Variants in PRR14L observed in about 807,000 individuals in gnomAD.
PRR14L encodes the protein proline rich 14 like, also known as protein PRR14L.
Under a neutral mutation model 155.0 loss-of-function variants are expected in PRR14L, and 80 were observed. The ratio of observed to expected loss-of-function variants is 0.52; its 90% CI spans 0.43 to 0.62. The LOEUF (loss-of-function observed/expected upper bound fraction) is 0.62, where lower values mean the gene tolerates loss of function less well. Ranked by LOEUF, PRR14L falls within the 20% of genes least tolerant of loss-of-function variation. PRR14L has a pLI of 0.00. For synonymous variants in PRR14L, 883 were observed against 916.0 expected, an observed-to-expected ratio of 0.96 and a Z score of 0.65; for missense variants, 2,469 against 2,548.0, an observed-to-expected ratio of 0.97 and a Z score of 0.67.
chr22:31,722,285 A>G (rs2147868304), intron 3 of PRR14L, among the ~76,000 whole-genome samples: 1 of 151,898 alleles, frequency 6.6e-6, no homozygotes, highest in African/African-American at 2.4e-5. Flanking sequence ...CAAAAAAATC[A>G]GCCGGGCATG....
At chr22:31,700,834 G>A (rs139710924) in intron 7 of PRR14L, among the ~76,000 whole-genome samples, 2 of 152,150 alleles carry the variant, frequency 1.3e-5, no homozygotes, top group African/African-American at 2.4e-5. Flanking sequence ...GATTACAGGC[G>A]TGAGCCACCG....
intron 7 of PRR14L, among the ~76,000 whole-genome samples, chr22:31,697,164 T>G (rs2147855236): frequency 6.6e-6 from 1 of 151,778 alleles, no homozygotes; most frequent in South Asian, 2.1e-4. Context: ...TAGCCAGGCA[T>G]GGTGGCAGGT....
intron 8 of PRR14L, among the ~76,000 whole-genome samples, 195 bp from the exon 9 acceptor site, chr22:31,685,998 G>T (rs1420922623): frequency 1.3e-5 from 2 of 152,064 alleles, no homozygotes; most frequent in Non-Finnish European, 2.9e-5. Context: ...GCAATGGCAT[G>T]ATCTTGGCTC....
chr22:31,700,748 G>A (rs1247951043), intron 7 of PRR14L, among the ~76,000 whole-genome samples: 1 of 152,138 alleles, frequency 6.6e-6, no homozygotes, highest in East Asian at 1.9e-4. Flanking sequence ...TAGAGACGGG[G>A]TTTCTCCATG....
intron 3 of PRR14L, among the ~76,000 whole-genome samples, chr22:31,720,544 C>T (rs1055109220): frequency 6.6e-6 from 1 of 152,068 alleles, no homozygotes; most frequent in African/African-American, 2.4e-5. Flanking sequence ...ACCAGCCTGG[C>T]CAACATGGTG....
intron 1 of PRR14L, among the ~76,000 whole-genome samples, chr22:31,741,019 C>G (rs1365672374): frequency 6.6e-6 from 1 of 151,460 alleles, no homozygotes; most frequent in Non-Finnish European, 1.5e-5. Flanking sequence ...TTTGGGAGGC[C>G]GAGAGGGGCG....
chr22:31,727,979 A>AG (rs2074726360), intron 2 of PRR14L, among the ~76,000 whole-genome samples: 1 of 151,082 alleles, frequency 6.6e-6, no homozygotes, highest in Admixed American at 6.6e-5. Flanking sequence ...TCACTGTCTC[A>AG]GAAAAAAAAA....
At position 31,738,595 on chromosome 22, in the gene PRR14L, G is replaced by A. The variant is rs1216629977; in HGVS notation, c.266C>T (p.Pro89Leu). Residue 89 changes from proline to leucine, a missense_variant, in exon 2 of 9, where the codon CCT (proline) becomes CTT (leucine). By Grantham distance (98) the Pro-to-Leu change is moderately conservative. Transcript: ENST00000327423. ...GGAGTCCACTAGCCCACATCGCCCA[G>A]GCTCACTCCCATGATCCAAGGTCTC... ...TYETLDHGSE[P>L]GRCGLVDSTA... is the part of the protein sequence containing the mutation. 4 of 1,552,030 alleles carry A rather than the reference G, an allele frequency of 2.6e-6. No homozygotes were observed. The South Asian group carries it at 4.8e-5, about 18-fold the overall frequency.
At chr22:31,747,215 A>T (rs919462132) in intron 1 of PRR14L, among the ~76,000 whole-genome samples, 2 of 151,310 alleles carry the variant, frequency 1.3e-5, no homozygotes, top group African/African-American at 4.9e-5. Flanking sequence ...GGTTCAAGCG[A>T]TTCTCCTGCC....
intron 7 of PRR14L, among the ~76,000 whole-genome samples, chr22:31,699,679 T>C (rs930509272): frequency 1.3e-5 from 2 of 152,238 alleles, no homozygotes; most frequent in African/African-American, 4.8e-5. Flanking sequence ...TTGTACTCCA[T>C]AATTTATTTC....
In PRR14L at chr22:31,685,665, C is replaced by T; in HGVS notation, c.6318G>A (p.Lys2106=). The T allele has an allele frequency of 6.4e-7, 1 of 1,551,828 alleles. No individual in the cohort carries two copies. The highest frequency in any genetic ancestry group is 2.4e-5 in the East Asian group (1 of 40,916). ...PRKRRARGKV[K]VAGSFTRAQK... ...GGGCCCTGGTAAAGCTGCCTGCCAC[C>T]TTGACTTTGCCTCGAGCTCTCCTCT... The change falls in exon 9 of 9, where the codon AAG becomes AAA. Residue 2106 remains lysine, a synonymous_variant. Coordinates refer to ENST00000327423, the MANE Select transcript of PRR14L (RefSeq NM_173566.3).
rs566717017 is a variant in PRR14L at position 31,704,657 on chromosome 22, C to T, written c.5826G>A (p.Thr1942=). 42 of 1,613,566 alleles carry T rather than the reference C, an allele frequency of 2.6e-5. No individual in the cohort carries two copies. Among genetic ancestry groups the T allele is most frequent in the Middle Eastern group, 1.7e-4 (1 of 6,052 alleles). The change falls in exon 5 of 9, where the codon ACG becomes ACA. Residue 1942 remains threonine, a splice_region_variant and synonymous_variant. Coordinates refer to ENST00000327423, the MANE Select transcript of PRR14L (RefSeq NM_173566.3). ...EATYNTSGSQ[T]RLEPPFPALV... ...CACGCTGAGTCTCATGTGCTTACCT[C>T]GTCTGACTGCCGCTGGTGTTATATG...
In PRR14L at chr22:31,716,765, G is replaced by C. The variant is rs1427315776; in HGVS notation, c.1074C>G (p.Ser358=). ...CACCTTCAAAACCACAGTTTTCTAA[G>C]GATATTGTTCTGGATTCTGGACCAG... is the stretch of plus-strand genomic sequence containing the variant. ...DLSGPESRTI[S]LENCGFEGGG... is the part of the protein sequence containing the mutation. Residue 358 remains serine, a synonymous_variant, in exon 4 of 9, where the codon TCC becomes TCG. Transcript: ENST00000327423. 1.3e-5 allele frequency: 20 copies of C among 1,551,784 alleles called. No homozygotes were observed. The Admixed American group carries it at 3.5e-4, about 27-fold the overall frequency.
Position 31,698,388 on chromosome 22 carries a change from T to C in PRR14L, c.6107+3268A>G, listed in dbSNP as rs552704551. On this transcript the variant is annotated intron_variant, in intron 7 of 8. Coordinates refer to ENST00000327423, the MANE Select transcript of PRR14L (RefSeq NM_173566.3). ...AGTACGTGATAAACTGCCCTGCCAA[T>C]TGGTTTGTCCAATATACTTTTCTCT... Among the ~76,000 whole-genome samples, 43 of 152,160 alleles carry C rather than the reference T, an allele frequency of 2.8e-4. 1 individual carries two copies. The highest frequency in any genetic ancestry group is 2.1e-3 in the Admixed American group (32 of 15,266).
intron 1 of PRR14L, 127 bp downstream of exon 1, chr22:31,749,866 C>T: frequency 6.6e-6 from 1 of 152,592 alleles, no homozygotes; most frequent in Non-Finnish European, 1.5e-5. Flanking sequence ...GCCTTGGTTC[C>T]TTTCCGCGCC....
At position 31,716,039 on chromosome 22, in the gene PRR14L, G is replaced by C. The variant is rs1483684815; in HGVS notation, c.1800C>G (p.Ser600=). 2.6e-6 allele frequency: 4 copies of C among 1,550,492 alleles called. No individual in the cohort carries two copies. Among genetic ancestry groups the C allele is most frequent in the Middle Eastern group, 1.7e-4 (1 of 5,992 alleles). The change falls in exon 4 of 9, where the codon TCC becomes TCG. Residue 600 remains serine, a synonymous_variant. Coordinates refer to ENST00000327423, the MANE Select transcript of PRR14L (RefSeq NM_173566.3). The stretch of plus-strand genomic sequence containing the variant: ...ACTCAGGTCTGTAATCAAATTCTGG[G>C]GATGGTAGCAACAGAGCAGTACCTT... ...PKQGTALLLP[S]PEFDYRPESE... is the part of the protein sequence containing the mutation.
chr22:31,711,054 CAG>C (rs1236938090), intron 4 of PRR14L, among the ~76,000 whole-genome samples: 1 of 152,136 alleles, frequency 6.6e-6, no homozygotes. Context: ...CTCTACATAT[CAG>C]AGTTAGGTGC....
chr22:31,705,654 G>A (rs902583144), intron 4 of PRR14L, among the ~76,000 whole-genome samples: 2 of 151,954 alleles, frequency 1.3e-5, no homozygotes, highest in Admixed American at 6.6e-5. Context: ...TTACAGGCAT[G>A]AGCCACCGCG....
chr22:31,718,978 GCAGGGGAATCGCTTGAATC>G (rs1439069393), intron 3 of PRR14L, among the ~76,000 whole-genome samples: 2 of 152,138 alleles, frequency 1.3e-5, no homozygotes, highest in African/African-American at 4.8e-5. Flanking sequence ...GGAGGCTGAA[GCAGGGGAATCGCTTGAATC>G]CAGGAGGCGG....
Sources: gnomAD v4.1 joint callset for allele counts (sites outside exome capture counted in the v4.1 genomes callset) on GRCh38, gnomAD v4.1.1 for gene constraint, MANE v1.5 for transcripts, NCBI Gene and HGNC (gene_info 2026-07-23, HGNC 2026-07-21) for gene names.